The following SKAP1 variants were observed in gnomAD, a reference collection of about 807,000 sequenced individuals.
The protein encoded by SKAP1 is src kinase associated phosphoprotein 1, also known as src kinase-associated phosphoprotein 1.
Under a neutral mutation model 58.5 loss-of-function variants are expected in SKAP1, and 44 were observed. The observed-to-expected ratio is 0.75, with a 90% CI of 0.59 to 0.97. SKAP1 has a LOEUF of 0.97. Ranked by LOEUF, SKAP1 falls within the 50% of genes least tolerant of loss-of-function variation. The pLI, the probability that SKAP1 is intolerant of heterozygous loss-of-function variation, is 0.00. For synonymous variants in SKAP1, 127 were observed against 149.7 expected, an observed-to-expected ratio of 0.85 and a Z score of 1.11; for missense variants, 390 against 435.2, an observed-to-expected ratio of 0.90 and a Z score of 0.92.
Position 48,137,346 on chromosome 17 carries a change from T to A in SKAP1, c.979-9A>T. ...CCATACATGTTATACTCCTGAAAAG[T>A]GAAAAGAGGATAGCGTCAGTTAGAA... On this transcript the variant is annotated splice_polypyrimidine_tract_variant and intron_variant, in intron 11 of 12. Transcript: ENST00000336915. 6.3e-7 allele frequency: 1 copy of A among 1,582,710 alleles called. No homozygotes were observed. Among genetic ancestry groups the A allele is most frequent in the Non-Finnish European group, 8.7e-7 (1 of 1,151,656 alleles).
chr17:48,309,206 A>T (rs1219028610), intron 4 of SKAP1, among the ~76,000 whole-genome samples: 1 of 152,162 alleles, frequency 6.6e-6, no homozygotes, highest in Non-Finnish European at 1.5e-5. Flanking sequence ...AGCAAAAAAC[A>T]ACCATAAGTA....
At chr17:48,153,133 G>GATAA (rs2063924064) in intron 11 of SKAP1, among the ~76,000 whole-genome samples, 1 of 152,080 alleles carries the variant, frequency 6.6e-6, no homozygotes, top group South Asian at 2.1e-4. Context: ...TTTATAGATA[G>GATAA]ATAGAATAAA....
At chr17:48,148,674 C>T (rs1334793608) in intron 11 of SKAP1, among the ~76,000 whole-genome samples, 1 of 152,198 alleles carries the variant, frequency 6.6e-6, no homozygotes, top group Non-Finnish European at 1.5e-5. Context: ...TCCTAAATCA[C>T]CTCCCTACTG....
At chr17:48,177,597 TGA>T (rs1037846559) in intron 9 of SKAP1, among the ~76,000 whole-genome samples, 1 of 152,008 alleles carries the variant, frequency 6.6e-6, no homozygotes, top group African/African-American at 2.4e-5. Flanking sequence ...GATGGTCTTA[TGA>T]GAGGGCAGCA....
chr17:48,357,377 T>A (rs2066888023), intron 3 of SKAP1, among the ~76,000 whole-genome samples: 1 of 152,202 alleles, frequency 6.6e-6, no homozygotes, highest in Non-Finnish European at 1.5e-5. Context: ...ACGCCTATAA[T>A]CCCAGCACTT....
chr17:48,391,069 C>CA (rs972371028), intron 2 of SKAP1, among the ~76,000 whole-genome samples: 4 of 151,302 alleles, frequency 2.6e-5, no homozygotes, highest in African/African-American at 9.7e-5. Flanking sequence ...GACTCTGTCT[C>CA]AAAAAAACAA....
intron 10 of SKAP1, among the ~76,000 whole-genome samples, chr17:48,167,752 G>A (rs549740951): frequency 6.6e-6 from 1 of 152,278 alleles, no homozygotes; most frequent in South Asian, 2.1e-4. Flanking sequence ...ATCTAAGGAT[G>A]ATTTGTGCCT....
rs140576170 is a variant in SKAP1 at position 48,327,010 on chromosome 17, C to G, written c.280+18895G>C. ...ACTTCAAGTGATTCTCATGCCTCAG[C>G]CTCCCAAGTAGCTGGGACTATAGGC... On this transcript the variant is annotated intron_variant, in intron 4 of 12. Coordinates refer to ENST00000336915, the MANE Select transcript of SKAP1 (RefSeq NM_003726.4). Among the ~76,000 whole-genome samples, 4 of 151,862 alleles carry G rather than the reference C, an allele frequency of 2.6e-5. No homozygotes were observed. In the East Asian group the frequency reaches 7.8e-4, roughly 29 times the overall value.
intron 4 of SKAP1, among the ~76,000 whole-genome samples, chr17:48,289,665 G>T (rs1032799064): frequency 2.0e-5 from 3 of 151,788 alleles, no homozygotes; most frequent in African/African-American, 7.3e-5. Flanking sequence ...TGAAAATACA[G>T]AAAAGTACAA....
At chr17:48,157,765 G>T (rs1322005132) in intron 11 of SKAP1, among the ~76,000 whole-genome samples, 1 of 151,794 alleles carries the variant, frequency 6.6e-6, no homozygotes, top group African/African-American at 2.4e-5. Flanking sequence ...CTGACCTCGG[G>T]TGATCTGCCA....
chr17:48,264,648 A>G (rs1436757919), intron 4 of SKAP1, among the ~76,000 whole-genome samples: 1 of 152,138 alleles, frequency 6.6e-6, no homozygotes, highest in Non-Finnish European at 1.5e-5. Context: ...GGAGTAGAAA[A>G]GGAAATTTAG....
chr17:48,438,327 G>A, the SKAP1 span, among the ~76,000 whole-genome samples: 2 of 152,182 alleles, frequency 1.3e-5, no homozygotes, highest in African/African-American at 4.8e-5. Flanking sequence ...AGTGATTACT[G>A]TCCCTGCATT....
At chr17:48,437,570 C>T in the SKAP1 span, among the ~76,000 whole-genome samples, 1 of 151,876 alleles carries the variant, frequency 6.6e-6, no homozygotes, top group Admixed American at 6.6e-5. Context: ...CAGCGAAATC[C>T]CATCTCTACA....
At chr17:48,385,802 TTATAACAGGACGTAGA>T (rs2067268041) in intron 2 of SKAP1, among the ~76,000 whole-genome samples, 1 of 152,128 alleles carries the variant, frequency 6.6e-6, no homozygotes, top group African/African-American at 2.4e-5. Context: ...TGGGGTTTGG[TTATAACAGGACGTAGA>T]TTCTAGGGAA....
intron 4 of SKAP1, among the ~76,000 whole-genome samples, chr17:48,221,496 G>T (rs1373036571): frequency 2.6e-5 from 4 of 152,158 alleles, no homozygotes; most frequent in African/African-American, 7.2e-5. Flanking sequence ...AAATCCTAGA[G>T]AAATTACATA....
At chr17:48,284,109 CCA>C (rs1212627156) in intron 4 of SKAP1, among the ~76,000 whole-genome samples, 1 of 152,140 alleles carries the variant, frequency 6.6e-6, no homozygotes. Context: ...CTGCTAAATC[CCA>C]CACAGTCCCT....
intron 4 of SKAP1, among the ~76,000 whole-genome samples, chr17:48,276,070 C>T (rs2065695665): frequency 1.3e-5 from 2 of 152,086 alleles, no homozygotes; most frequent in Admixed American, 6.6e-5. Context: ...TCCCCAATGT[C>T]TTAAAAAATA....
chr17:48,247,517 A>G (rs1054579221), intron 4 of SKAP1, among the ~76,000 whole-genome samples: 1 of 152,172 alleles, frequency 6.6e-6, no homozygotes, highest in Admixed American at 6.5e-5. Context: ...TCTTTACTCA[A>G]TGATTTAAAG....
At chr17:48,134,853 G>A (rs1053846165) in intron 12 of SKAP1, among the ~76,000 whole-genome samples, 15 of 151,906 alleles carry the variant, frequency 9.9e-5, no homozygotes, top group Non-Finnish European at 2.1e-4. Context: ...ACAGGTGCCC[G>A]CCACCATGCC....
Sources: gnomAD v4.1 joint callset for allele counts (sites outside exome capture counted in the v4.1 genomes callset) on GRCh38, gnomAD v4.1.1 for gene constraint, MANE v1.5 for transcripts, NCBI Gene and HGNC (gene_info 2026-07-23, HGNC 2026-07-21) for gene names.